The following CERS6 variants were observed in gnomAD, a reference collection of about 807,000 sequenced individuals.
The protein encoded by CERS6 is LAG1 homolog, ceramide synthase 6.
CERS6 carries 26 observed loss-of-function variants against 56.8 expected under a neutral mutation model. That is an observed-to-expected ratio of 0.46 (90% CI 0.34 to 0.63). The LOEUF is 0.63. CERS6 is among the 30% of genes least tolerant of loss of function. CERS6 has a pLI of 0.01. For missense variants in CERS6, 415 were observed against 467.5 expected, an observed-to-expected ratio of 0.89 and a Z score of 1.04; for synonymous variants, 164 against 173.3, an observed-to-expected ratio of 0.95 and a Z score of 0.42.
Position 168,769,818 on chromosome 2 carries a change from C to A in CERS6, c.*156C>A. The A allele has an allele frequency of 1.5e-6, 1 of 672,980 alleles. No individual in the cohort carries two copies. The allele number at this position is 672,980 out of a possible 1,614,324, so 41.7% of individuals were successfully genotyped here. On this transcript the variant is annotated 3_prime_UTR_variant, in exon 10 of 10. Coordinates refer to ENST00000305747, the MANE Select transcript of CERS6 (RefSeq NM_203463.3). Reference sequence around the variant, plus strand: ...AATAGTGCACTGCCATGTGTCCTGTCTGTGAATGAAGAAGAATTACCATTC... The same window carrying A: ...AATAGTGCACTGCCATGTGTCCTGTATGTGAATGAAGAAGAATTACCATTC...
At chr2:168,611,724 A>G (rs546365319) in intron 3 of CERS6, among the ~76,000 whole-genome samples, 29 of 152,250 alleles carry the variant, frequency 1.9e-4, no homozygotes, top group Non-Finnish European at 1.6e-4. Context: ...AAGTGGTTTT[A>G]TAATATTAAA....
chr2:168,696,698 G>A (rs986132370), intron 6 of CERS6, among the ~76,000 whole-genome samples: 1 of 152,186 alleles, frequency 6.6e-6, no homozygotes, highest in Non-Finnish European at 1.5e-5. Flanking sequence ...CTCACATGGT[G>A]GAAGGGGCAA....
In CERS6 at chr2:168,456,424, G is replaced by C; in HGVS notation, c.-25G>C. The C allele has an allele frequency of 6.4e-7, 1 of 1,564,204 alleles. No homozygotes were observed. Among genetic ancestry groups the C allele is most frequent in the South Asian group, 1.2e-5 (1 of 85,934 alleles). On this transcript the variant is annotated 5_prime_UTR_variant, in exon 1 of 10. Transcript: ENST00000305747. The surrounding 1 kb of genome is among the most constrained non-coding windows in gnomAD (Gnocchi z 4.1). ...GAGAGCTTGGCGGGCTGCGGGTGCC[G>C]CAGGACAGGAGTGGACAAAGCAAGA...
At chr2:168,667,057 CAT>C (rs1685780380) in intron 4 of CERS6, among the ~76,000 whole-genome samples, 1 of 152,206 alleles carries the variant, frequency 6.6e-6, no homozygotes, top group Non-Finnish European at 1.5e-5. Flanking sequence ...AAAGTTTTCA[CAT>C]ATGACATGGA....
At chr2:168,713,261 T>A (rs1165607742) in intron 6 of CERS6, among the ~76,000 whole-genome samples, 6 of 152,196 alleles carry the variant, frequency 3.9e-5, no homozygotes, top group Admixed American at 2.0e-4. Flanking sequence ...AATCACGATG[T>A]GCTCATACGT....
At chr2:168,504,620 C>A (rs1901837) in intron 1 of CERS6, among the ~76,000 whole-genome samples, 9,273 of 152,092 alleles carry the variant, frequency 0.061, 501 homozygotes, top group East Asian at 0.18. Flanking sequence ...CAAGTGTCAA[C>A]AGGTGTGTTA....
At chr2:168,765,973 A>T (rs1684721014) in intron 9 of CERS6, among the ~76,000 whole-genome samples, 1 of 152,112 alleles carries the variant, frequency 6.6e-6, no homozygotes, top group Admixed American at 6.5e-5. Context: ...AGACTTAATA[A>T]TATATTATTT....
chr2:168,733,457 C>G (rs1264681212), intron 8 of CERS6, among the ~76,000 whole-genome samples: 1 of 152,188 alleles, frequency 6.6e-6, no homozygotes, highest in East Asian at 1.9e-4. Flanking sequence ...CATGTTAACA[C>G]TGTTCCCAGT....
At chr2:168,688,400 A>G (rs961383281) in intron 4 of CERS6, among the ~76,000 whole-genome samples, 1 of 144,100 alleles carries the variant, frequency 6.9e-6, no homozygotes, top group Non-Finnish European at 1.5e-5. Context: ...CTGGCGACAA[A>G]GTGAGACTCC....
At position 168,715,084 on chromosome 2, in the gene CERS6, A is replaced by T; in HGVS notation, c.693A>T (p.Gly231=). The T allele has an allele frequency of 3.4e-5, 55 of 1,613,068 alleles. No homozygotes were observed. The highest frequency in any genetic ancestry group is 4.7e-5 in the Non-Finnish European group (55 of 1,179,400). The change falls in exon 7 of 10, where the codon GGA becomes GGT. Residue 231 remains glycine, a synonymous_variant. Coordinates refer to ENST00000305747, the MANE Select transcript of CERS6 (RefSeq NM_203463.3). ...ATGTCAACAATATGGCCCGAGTAGG[A>T]ACGCTGGTCCTTTGTCTTCATGATT... The part of the protein sequence containing the change: ...FSYVNNMARV[G]TLVLCLHDSA...
intron 2 of CERS6, among the ~76,000 whole-genome samples, chr2:168,554,897 A>C (rs1695647715): frequency 6.6e-6 from 1 of 152,222 alleles, no homozygotes; most frequent in South Asian, 2.1e-4. Flanking sequence ...TAAAATAGTT[A>C]TGAATCATAT....
At chr2:168,679,865 A>T (rs1255135094) in intron 4 of CERS6, among the ~76,000 whole-genome samples, 1 of 152,178 alleles carries the variant, frequency 6.6e-6, no homozygotes, top group African/African-American at 2.4e-5. Flanking sequence ...ACTGATCCAC[A>T]TTGTTCTTAT....
At chr2:168,464,973 G>A (rs1693845626) in intron 1 of CERS6, among the ~76,000 whole-genome samples, 1 of 152,172 alleles carries the variant, frequency 6.6e-6, no homozygotes, top group Non-Finnish European at 1.5e-5. Flanking sequence ...TGCTATGGAG[G>A]TTCCTCGAAA....
intron 4 of CERS6, among the ~76,000 whole-genome samples, chr2:168,640,483 G>A (rs555439919): frequency 6.6e-6 from 1 of 152,196 alleles, no homozygotes; most frequent in Non-Finnish European, 1.5e-5. Flanking sequence ...TCCTATGACA[G>A]CAGTGATTGT....
chr2:168,645,875 C>CT (rs34270791), intron 4 of CERS6, among the ~76,000 whole-genome samples: 39,113 of 152,114 alleles, frequency 0.26, 5,757 homozygotes, highest in South Asian at 0.4. Context: ...TGCTCTTGTT[C>CT]TTTTTTCTGG....
intron 4 of CERS6, among the ~76,000 whole-genome samples, chr2:168,664,781 G>A (rs1392557120): frequency 6.6e-6 from 1 of 152,158 alleles, no homozygotes; most frequent in Admixed American, 6.5e-5. Context: ...TATCAGCAAC[G>A]TCTTTATGAC....
chr2:168,480,281 T>A (rs1406548350), intron 1 of CERS6, among the ~76,000 whole-genome samples: 1 of 152,226 alleles, frequency 6.6e-6, no homozygotes, highest in Non-Finnish European at 1.5e-5. Flanking sequence ...GCATACGTAA[T>A]TGACTTTCAG....
At chr2:168,664,074 A>G (rs1685697976) in intron 4 of CERS6, among the ~76,000 whole-genome samples, 1 of 152,178 alleles carries the variant, frequency 6.6e-6, no homozygotes. Flanking sequence ...GCCCTTCTGA[A>G]CAGTTCTGAA....
intron 3 of CERS6, among the ~76,000 whole-genome samples, chr2:168,627,098 C>G (rs1204613003): frequency 6.6e-6 from 1 of 152,102 alleles, no homozygotes; most frequent in Non-Finnish European, 1.5e-5. Flanking sequence ...TAGTCTTAGT[C>G]TATTTCTGTT....
Sources: allele counts gnomAD v4.1 joint callset (sites outside exome capture counted in the v4.1 genomes callset), GRCh38; gene constraint gnomAD v4.1.1; non-coding constraint Gnocchi (gnomAD v3.1); transcripts MANE v1.5; gene names NCBI Gene and HGNC (gene_info 2026-07-23, HGNC 2026-07-21).